SLC37A1: variants seen among roughly 807,000 people sequenced by gnomAD.
SLC37A1 encodes the protein glucose-6-phosphate exchanger SLC37A1.
A neutral mutation model predicts 75.3 loss-of-function variants in SLC37A1; 49 were observed. The observed-to-expected ratio is 0.65, with a 90% CI of 0.52 to 0.83. The LOEUF (loss-of-function observed/expected upper bound fraction) is 0.83, where lower values mean the gene tolerates loss of function less well. SLC37A1 is among the 40% of genes least tolerant of loss of function. The pLI is 0.00. For synonymous variants in SLC37A1, 268 were observed against 292.1 expected, an observed-to-expected ratio of 0.92 and a Z score of 0.84; for missense variants, 566 against 695.0, an observed-to-expected ratio of 0.81 and a Z score of 2.09.
intron 10 of SLC37A1, 74 bp from the exon 11 acceptor site, chr21:42,558,884 G>A (rs2055755231): frequency 1.3e-5 from 20 of 1,597,800 alleles, no homozygotes; most frequent in Middle Eastern, 2.1e-4. Flanking sequence ...TCATTAGGAA[G>A]CCTGGCCCCA....
At chr21:42,580,115 C>A (rs1000428034) in intron 19 of SLC37A1, among the ~76,000 whole-genome samples, 7 of 151,902 alleles carry the variant, frequency 4.6e-5, no homozygotes, top group African/African-American at 1.7e-4. Context: ...TTTTCCCTCC[C>A]CCCTTGGTCC....
rs1212673193 is a variant in SLC37A1 at position 42,539,713 on chromosome 21, TGTCAC to T, written c.486+72_486+76del. The T allele has an allele frequency of 3.3e-6, 5 of 1,505,260 alleles. No homozygotes were observed. The South Asian group carries it at 3.8e-5, about 11-fold the overall frequency. 93.2% of individuals were successfully genotyped at this position (1,505,260 alleles called of 1,614,324 possible). ...CTTGGTGAATAGGGTGGAGTGTTTATGTCACGTCACCTCTGTCAAGGTGTTGGGAA... is the reference window on the plus strand; with the variant it reads ...CTTGGTGAATAGGGTGGAGTGTTTATGTCACCTCTGTCAAGGTGTTGGGAA... On this transcript the variant is annotated intron_variant, in intron 6 of 19. Coordinates refer to ENST00000352133, the MANE Select transcript of SLC37A1 (RefSeq NM_001320537.2).
chr21:42,547,215 G>T lies in SLC37A1; in HGVS notation c.768+75G>T. ...CCACTTCCCCAGCCTGCTCCTGCCT[G>T]TGCGGTGTCAGACAGAAACACACAG... On this transcript the variant is annotated intron_variant, in intron 9 of 19. Coordinates refer to ENST00000352133, the MANE Select transcript of SLC37A1 (RefSeq NM_001320537.2). The surrounding 1 kb of genome is among the most constrained non-coding windows in gnomAD (Gnocchi z 6.1). 6.5e-7 allele frequency: 1 copy of T among 1,544,214 alleles called. No homozygotes were observed.
chr21:42,544,526 G>T (rs2055359655), intron 8 of SLC37A1, among the ~76,000 whole-genome samples: 1 of 152,196 alleles, frequency 6.6e-6, no homozygotes, highest in Non-Finnish European at 1.5e-5. Flanking sequence ...TGGTGAAAAT[G>T]GAAATAAACA....
At chr21:42,569,495 ACTCCCTCGTGCCG>A (rs1569039496) in intron 17 of SLC37A1, among the ~76,000 whole-genome samples, 3 of 9,304 alleles carry the variant, frequency 3.2e-4, no homozygotes, top group Middle Eastern at 0.025. Context: ...CTCGTGCCGC[ACTCCCTCGTGCCG>A]CACTCCCTCG....
chr21:42,506,876 A>T (rs1443386793), intron 2 of SLC37A1, among the ~76,000 whole-genome samples: 1 of 152,152 alleles, frequency 6.6e-6, no homozygotes, highest in Non-Finnish European at 1.5e-5. Flanking sequence ...TATCATATTC[A>T]ATAAGTTGCT....
At chr21:42,529,246 G>A (rs1189223669) in intron 3 of SLC37A1, among the ~76,000 whole-genome samples, 1 of 152,124 alleles carries the variant, frequency 6.6e-6, no homozygotes, top group Non-Finnish European at 1.5e-5. Context: ...TTATTCGTCA[G>A]GAAGAAATAA....
intron 11 of SLC37A1, among the ~76,000 whole-genome samples, chr21:42,559,710 T>C (rs777874967): frequency 5.3e-5 from 8 of 152,190 alleles, no homozygotes; most frequent in Non-Finnish European, 1.2e-4. Context: ...AACCGGTCTT[T>C]ACTAAAAATA....
chr21:42,560,238 CTG>C (rs1206570611), intron 11 of SLC37A1: 2 of 152,448 alleles, frequency 1.3e-5, no homozygotes, highest in Admixed American at 1.3e-4. Context: ...TGTGGAGACA[CTG>C]TGTTCTTCCG....
Position 42,535,434 on chromosome 21 carries a change from A to G in SLC37A1, c.272-38A>G, listed in dbSNP as rs1215833032. 1.5e-5 allele frequency: 24 copies of G among 1,562,648 alleles called. No homozygotes were observed. In the East Asian group the frequency reaches 5.4e-4, roughly 35 times the overall value. Reference sequence around the variant, plus strand: ...CGTGCTCTAGAACATAAACTAAACAATACTGAGCTTGTCCTGCTGGTTTTC... The same window carrying G: ...CGTGCTCTAGAACATAAACTAAACAGTACTGAGCTTGTCCTGCTGGTTTTC... On this transcript the variant is annotated intron_variant, in intron 4 of 19. Coordinates refer to ENST00000352133, the MANE Select transcript of SLC37A1 (RefSeq NM_001320537.2).
intron 15 of SLC37A1, 30 bp downstream of exon 15, chr21:42,565,905 C>G: frequency 6.2e-7 from 1 of 1,605,004 alleles, no homozygotes; most frequent in African/African-American, 1.3e-5. Context: ...TGCTTTTCTT[C>G]CACACACGTT....
At chr21:42,556,303 C>T (rs1050376019) in intron 10 of SLC37A1, among the ~76,000 whole-genome samples, 4 of 152,190 alleles carry the variant, frequency 2.6e-5, no homozygotes, top group African/African-American at 7.2e-5. Flanking sequence ...GGCTGTGGCT[C>T]AAGAACTGTT....
chr21:42,553,932 A>T, intron 9 of SLC37A1, 130 bp from the exon 10 acceptor site: 1 of 612,736 alleles, frequency 1.6e-6, no homozygotes, highest in Non-Finnish European at 2.8e-6. Context: ...TATTCTGTTT[A>T]AATCAGTTGT....
Position 42,539,585 on chromosome 21 carries a change from GC to G in SLC37A1, c.427del (p.Leu143CysfsTer4). 6.2e-7 allele frequency: 1 copy of G among 1,613,924 alleles called. No individual in the cohort carries two copies. Among genetic ancestry groups the G allele is most frequent in the Non-Finnish European group, 8.5e-7 (1 of 1,179,914 alleles). On this transcript the variant is annotated frameshift_variant, in exon 6 of 20. Transcript: ENST00000352133. LOFTEE classifies it high-confidence loss of function. Reference protein sequence around the residue: ...FGMLASGAFTALFGLGYFYNI... With the variant: ...FGMLASGAFTXLFGLGYFYNI... ...GATGCTCGCCAGCGGAGCCTTCACC[GC>G]CCTGTTCGGCTTAGGGTATTTCTAC...
chr21:42,534,785 C>T lies in SLC37A1; in HGVS notation c.226C>T (p.His76Tyr), dbSNP rs780378552. The T allele has an allele frequency of 1.2e-6, 2 of 1,614,002 alleles. No individual in the cohort carries two copies. Among genetic ancestry groups the T allele is most frequent in the Non-Finnish European group, 8.5e-7 (1 of 1,179,990 alleles). The change falls in exon 4 of 20, where the codon CAC becomes TAC. Residue 76 changes from histidine (H) to tyrosine (Y), a missense_variant. By Grantham distance (83) the His-to-Tyr change is moderately conservative. Transcript: ENST00000352133. ...QNRKSGSAAPHQLPDNETDCG... is the reference protein window; with the variant it reads ...QNRKSGSAAPYQLPDNETDCG... Reference sequence around the variant, plus strand: ...CAGGAAGTCTGGGTCCGCTGCCCCCCACCAGCTCCCTGACAATGAGACCGA... The same window carrying T: ...CAGGAAGTCTGGGTCCGCTGCCCCCTACCAGCTCCCTGACAATGAGACCGA...
At chr21:42,564,851 C>T (rs1021656468) in intron 14 of SLC37A1, 58 bp downstream of exon 14, 3 of 1,494,420 alleles carry the variant, frequency 2.0e-6, no homozygotes, top group Admixed American at 1.7e-5. Context: ...CCACTGTCCT[C>T]CTCGCCAGCC....
chr21:42,579,903 G>A (rs1038169198), intron 19 of SLC37A1, 103 bp downstream of exon 19: 12 of 1,106,674 alleles, frequency 1.1e-5, no homozygotes, highest in African/African-American at 1.6e-5. Context: ...GAAAGAAAAC[G>A]CGTGGCTTAT....
chr21:42,573,691 G>T (rs1411634061), intron 17 of SLC37A1, among the ~76,000 whole-genome samples: 2 of 151,998 alleles, frequency 1.3e-5, no homozygotes, highest in African/African-American at 4.8e-5. Flanking sequence ...AAGTGCCTAG[G>T]GCATGAAAGA....
At chr21:42,540,711 G>A (rs879678159) in intron 6 of SLC37A1, among the ~76,000 whole-genome samples, 5 of 152,310 alleles carry the variant, frequency 3.3e-5, no homozygotes, top group Admixed American at 3.3e-4. Flanking sequence ...CGGGCTTTGT[G>A]ATGCTTCTGG....
Sources: allele counts gnomAD v4.1 joint callset (sites outside exome capture counted in the v4.1 genomes callset), GRCh38; gene constraint gnomAD v4.1.1; non-coding constraint Gnocchi (gnomAD v3.1); transcripts MANE v1.5; gene names NCBI Gene and HGNC (gene_info 2026-07-23, HGNC 2026-07-21).